SLC26A6: variants seen among roughly 807,000 people sequenced by gnomAD.
SLC26A6 encodes the protein anion exchange transporter.
A neutral mutation model predicts 87.1 loss-of-function variants in SLC26A6; 67 were observed. That is an observed-to-expected ratio of 0.77 (90% CI 0.63 to 0.94). The LOEUF (loss-of-function observed/expected upper bound fraction) is 0.94. SLC26A6 is among the 40% of genes least tolerant of loss of function. The probability of loss-of-function intolerance (pLI) is 0.00; values close to 1 mark genes in which losing one functional copy is unlikely to be tolerated. For missense variants in SLC26A6, 902 were observed against 973.0 expected (o/e 0.93, Z 0.97); for synonymous variants, 414 against 405.9 (o/e 1.02, Z -0.24).
chr3:48,630,267 C>T, intron 11 of SLC26A6, 110 bp from the exon 12 acceptor site: 1 of 1,347,036 alleles, frequency 7.4e-7, no homozygotes, highest in South Asian at 1.3e-5. Context: ...GTACCCCAGA[C>T]ACAAACCCCC....
At chr3:48,631,573 C>T (rs1004576782) in intron 7 of SLC26A6, 76 bp downstream of exon 7, 83 of 1,551,650 alleles carry the variant, frequency 5.3e-5, no homozygotes, top group Non-Finnish European at 6.8e-5. Context: ...CCCTCAAATA[C>T]AGGAGGCTGC....
Position 48,631,632 on chromosome 3 carries a change from CT to C in SLC26A6, c.903+16del. The C allele has an allele frequency of 1.2e-6, 2 of 1,610,284 alleles. No individual in the cohort carries two copies. The highest frequency in any genetic ancestry group is 1.7e-6 in the Non-Finnish European group (2 of 1,178,246). ...ACCTGCCCTTCTCCCCTGCCCTCCA[CT>C]CCCTGGCCCTCGAACCGTGAGCAGC... On this transcript the variant is annotated intron_variant, in intron 7 of 20. Transcript: ENST00000395550.
chr3:48,630,875 T>C, intron 9 of SLC26A6, 118 bp downstream of exon 9: 1 of 1,536,452 alleles, frequency 6.5e-7, no homozygotes, highest in Non-Finnish European at 8.9e-7. Context: ...CCACCCTCAG[T>C]CCCCCACGTG....
intron 14 of SLC26A6, 65 bp downstream of exon 14, chr3:48,629,577 C>T: frequency 6.6e-7 from 1 of 1,514,656 alleles, no homozygotes; most frequent in East Asian, 2.3e-5. Flanking sequence ...TGGAACGAAT[C>T]CACAAAGGCT....
intron 7 of SLC26A6, 131 bp downstream of exon 7, chr3:48,631,518 G>T: frequency 1.6e-6 from 2 of 1,250,108 alleles, no homozygotes; most frequent in East Asian, 2.5e-5. Flanking sequence ...TTTCTGCTGT[G>T]CCCCCCACAA....
chr3:48,634,898 T>A (rs1415142509), intron 1 of SLC26A6, among the ~76,000 whole-genome samples: 1 of 152,168 alleles, frequency 6.6e-6, no homozygotes, highest in Non-Finnish European at 1.5e-5. Flanking sequence ...CCCCGACAAC[T>A]TGGGACCCGC....
chr3:48,626,843 GC>G (rs1185000321), intron 18 of SLC26A6, 32 bp downstream of exon 18: 1 of 1,606,728 alleles, frequency 6.2e-7, no homozygotes, highest in Non-Finnish European at 8.5e-7. Context: ...CAGTGTGGAA[GC>G]TCGAGGGGCC....
intron 1 of SLC26A6, chr3:48,634,835 G>T: frequency 1.2e-6 from 1 of 813,128 alleles, no homozygotes; most frequent in South Asian, 5.6e-5. Flanking sequence ...AGATCGTAGA[G>T]CCCCCTCTCC....
intron 17 of SLC26A6, chr3:48,627,559 C>G (rs531139359): frequency 8.4e-5 from 16 of 189,634 alleles, no homozygotes; most frequent in Non-Finnish European, 1.6e-4. Flanking sequence ...ACTGCAGCCC[C>G]GAGCTCCTGG....
At chr3:48,631,834 A>G (rs1461039190) in intron 6 of SLC26A6, 33 bp from the exon 7 acceptor site, 1 of 1,613,144 alleles carries the variant, frequency 6.2e-7, no homozygotes, top group East Asian at 2.2e-5. Flanking sequence ...CTAGCACTCA[A>G]GGCCATGGGG....
chr3:48,630,193 G>A (rs1241695385), intron 11 of SLC26A6, 36 bp from the exon 12 acceptor site: 5 of 1,594,744 alleles, frequency 3.1e-6, no homozygotes, highest in Non-Finnish European at 4.3e-6. Context: ...GGCCATTGAG[G>A]GCACCCGATG....
chr3:48,630,364 G>T, intron 11 of SLC26A6, 74 bp downstream of exon 11: 1 of 1,477,408 alleles, frequency 6.8e-7, no homozygotes, highest in Non-Finnish European at 9.2e-7. Flanking sequence ...CCCACCCCTC[G>T]CCTGAACCTA....
chr3:48,632,711 A>C, intron 4 of SLC26A6: 1 of 681,992 alleles, frequency 1.5e-6, no homozygotes, highest in East Asian at 2.8e-5. Context: ...TAGGCTGCTC[A>C]GGCCTCTGCC....
rs776096830 is a variant in SLC26A6, at chr3:48,629,992, G to A, written c.1423-14C>T. On this transcript the variant is annotated splice_polypyrimidine_tract_variant and intron_variant, in intron 12 of 20. Transcript: ENST00000395550. ...CAGCCAGATAAGCTGAGAACAGAGG[G>A]CAGCGGTTGGAGGGCGGCGAGGAGC... 6.2e-7 allele frequency: 1 copy of A among 1,614,082 alleles called. No individual in the cohort carries two copies. The highest frequency in any genetic ancestry group is 1.1e-5 in the South Asian group (1 of 91,082).
chr3:48,635,410 G>C lies in SLC26A6; in HGVS notation c.-17C>G. On this transcript the variant is annotated 5_prime_UTR_variant, in exon 1 of 21. Transcript: ENST00000395550. ...CAGCCCCATGGCTCGCAAGTTGTCC[G>C]GTGCGGGCTGCTCCTGCTGCTCGAG... 1.3e-6 allele frequency: 2 copies of C among 1,579,128 alleles called. No homozygotes were observed. The highest frequency in any genetic ancestry group is 1.7e-6 in the Non-Finnish European group (2 of 1,163,960).
rs759375619 is a variant in SLC26A6 at position 48,631,796 on chromosome 3, C to T, written c.756G>A (p.Val252=). 4 of 1,613,524 alleles carry T rather than the reference C, an allele frequency of 2.5e-6. No homozygotes were observed. Among genetic ancestry groups the T allele is most frequent in the Non-Finnish European group, 2.5e-6 (3 of 1,179,984 alleles). Residue 252 remains valine, a synonymous_variant, in exon 7 of 21, where the codon GTG becomes GTA. Coordinates refer to ENST00000395550, the MANE Select transcript of SLC26A6 (RefSeq NM_022911.3). The part of the protein sequence containing the change: ...HSGPLSLIYT[V]LEVCWKLPQS... ...GGGGCAGCTTCCAGCAGACCTCCAG[C>T]ACTGTCTGAGGAGAGGCCAGGTCAC...
chr3:48,629,803 G>A lies in SLC26A6; in HGVS notation c.1529+69C>T, dbSNP rs1018383464. 32 of 1,610,830 alleles carry A rather than the reference G, an allele frequency of 2.0e-5. 1 individual carries two copies. In the South Asian group the frequency reaches 3.3e-4, roughly 17 times the overall value. On this transcript the variant is annotated intron_variant, in intron 13 of 20. Coordinates refer to ENST00000395550, the MANE Select transcript of SLC26A6 (RefSeq NM_022911.3). ...AGCCTGAAGTCCCCAGAGATGTGGG[G>A]AAAGCTGCGGGGAGCCCTGTGGTAC...
At chr3:48,632,140 G>A (rs1289627884) in intron 5 of SLC26A6, 96 bp from the exon 6 acceptor site, 15 of 1,584,596 alleles carry the variant, frequency 9.5e-6, no homozygotes, top group African/African-American at 4.0e-5. Flanking sequence ...ATGAGTAGAC[G>A]GCAAGAGGAG....
intron 19 of SLC26A6, 123 bp from the exon 20 acceptor site, chr3:48,626,477 C>T (rs1262793621): frequency 1.9e-6 from 3 of 1,541,316 alleles, no homozygotes; most frequent in East Asian, 2.2e-5. Flanking sequence ...CAGCTGAATC[C>T]ACATCACTTG....
Sources: gnomAD v4.1 joint callset for allele counts (sites outside exome capture counted in the v4.1 genomes callset) on GRCh38, gnomAD v4.1.1 for gene constraint, MANE v1.5 for transcripts, NCBI Gene and HGNC (gene_info 2026-07-23, HGNC 2026-07-21) for gene names.